The following PADI2 variants were observed in gnomAD, a reference collection of about 807,000 sequenced individuals.
PADI2 encodes the protein peptidyl arginine deiminase 2, also known as protein-arginine deiminase type-2.
Under a neutral mutation model 81.1 loss-of-function variants are expected in PADI2, and 70 were observed. The observed-to-expected ratio is 0.86, with a 90% confidence interval of 0.71 to 1.05. The LOEUF is 1.05. PADI2 is among the 50% of genes least tolerant of loss of function. The pLI is 0.00. For synonymous variants in PADI2, 338 were observed against 358.0 expected, an observed-to-expected ratio of 0.94 and a Z score of 0.63; for missense variants, 853 against 889.9, an observed-to-expected ratio of 0.96 and a Z score of 0.53.
intron 13 of PADI2, among the ~76,000 whole-genome samples, chr1:17,074,534 T>G (rs1046308384): frequency 6.6e-6 from 1 of 152,212 alleles, no homozygotes; most frequent in African/African-American, 2.4e-5. Flanking sequence ...CAGACCCAGC[T>G]GCATGTCAGT....
At chr1:17,110,695 G>A (rs964747675) in intron 1 of PADI2, among the ~76,000 whole-genome samples, 4 of 152,174 alleles carry the variant, frequency 2.6e-5, no homozygotes, top group African/African-American at 9.7e-5. Context: ...CATCTACTGT[G>A]CATTTTGACA....
chr1:17,076,617 C>T (rs1254102682), intron 11 of PADI2, among the ~76,000 whole-genome samples: 1 of 151,816 alleles, frequency 6.6e-6, no homozygotes, highest in Non-Finnish European at 1.5e-5. Flanking sequence ...CAGAGTCTAA[C>T]TCTGTCACCA....
chr1:17,092,568 C>T (rs1250355829), intron 5 of PADI2, 35 bp from the exon 6 acceptor site: 1 of 1,537,862 alleles, frequency 6.5e-7, no homozygotes, highest in African/African-American at 1.4e-5. Flanking sequence ...AGAGATCTAT[C>T]TGTTGCTGGA....
At chr1:17,096,568 G>A (rs1027733949) in intron 3 of PADI2, among the ~76,000 whole-genome samples, 44 of 152,180 alleles carry the variant, frequency 2.9e-4, no homozygotes. Context: ...AACCCCTCTT[G>A]GTCTGAGGTC....
chr1:17,084,483 G>C (rs529476511), intron 8 of PADI2, 116 bp downstream of exon 8: 1 of 617,672 alleles, frequency 1.6e-6, no homozygotes, highest in Non-Finnish European at 2.9e-6. Flanking sequence ...GGCCAAGAGA[G>C]TTGCTCAAGG....
intron 9 of PADI2, 85 bp downstream of exon 9, chr1:17,083,641 G>A: frequency 1.3e-6 from 1 of 795,690 alleles, no homozygotes. Flanking sequence ...AGAGCTGCTG[G>A]GTGCCAGGCA....
chr1:17,076,931 G>A (rs2078307977), intron 11 of PADI2, among the ~76,000 whole-genome samples: 1 of 152,000 alleles, frequency 6.6e-6, no homozygotes, highest in Non-Finnish European at 1.5e-5. Flanking sequence ...ATTATCCTCC[G>A]AAGATAACCC....
intron 3 of PADI2, among the ~76,000 whole-genome samples, chr1:17,102,072 G>A (rs1030602223): frequency 2.5e-4 from 38 of 152,088 alleles, no homozygotes; most frequent in African/African-American, 8.9e-4. Flanking sequence ...TAAGCAGGCC[G>A]CATCATTATT....
chr1:17,078,611 C>T (rs1463294341), intron 11 of PADI2, among the ~76,000 whole-genome samples: 1 of 152,146 alleles, frequency 6.6e-6, no homozygotes, highest in East Asian at 1.9e-4. Flanking sequence ...TGGTCTCGAA[C>T]TTCTGGTCTC....
chr1:17,110,153 T>G (rs566082665), intron 1 of PADI2, among the ~76,000 whole-genome samples: 72 of 152,264 alleles, frequency 4.7e-4, no homozygotes, highest in African/African-American at 1.7e-3. Context: ...GAAGAACCCT[T>G]TAGAATCTCT....
chr1:17,084,577 C>G lies in PADI2; in HGVS notation c.938+22G>C, dbSNP rs1004647612. On this transcript the variant is annotated intron_variant, in intron 8 of 15. Transcript: ENST00000375486. ...TTGGCCACTCTGCCACGCTGCCTCT[C>G]CAGGCTGGGGTCACCCCTTACCAGC... 7.9e-6 allele frequency: 12 copies of G among 1,516,342 alleles called. No individual in the cohort carries two copies. The Admixed American group carries it at 2.3e-4, about 29-fold the overall frequency. The allele number at this position is 1,516,342 out of a possible 1,614,324, so 93.9% of individuals were successfully genotyped here. A position where few individuals can be genotyped will look rare whatever the true frequency, so the allele number is the denominator to read the frequency against.
rs1270943427 is a variant in PADI2 at position 17,068,723 on chromosome 1, T to G, written c.*321A>C. The G allele has an allele frequency of 3.1e-6, 1 of 325,016 alleles. No individual in the cohort carries two copies. Among genetic ancestry groups the G allele is most frequent in the Non-Finnish European group, 5.8e-6 (1 of 172,416 alleles). The allele number at this position is 325,016 out of a possible 1,614,324, so 20.1% of individuals were successfully genotyped here. A position where few individuals can be genotyped will look rare whatever the true frequency, so the allele number is the denominator to read the frequency against. On this transcript the variant is annotated 3_prime_UTR_variant, in exon 16 of 16. Transcript: ENST00000375486. ...CTTCTCCCCTCATTCAGTGTCAGAT[T>G]AGAGACTCAAAATTCTTTGGGGAGC... is the stretch of plus-strand genomic sequence containing the variant.
At chr1:17,111,673 G>C (rs928458116) in intron 1 of PADI2, among the ~76,000 whole-genome samples, 23 of 152,198 alleles carry the variant, frequency 1.5e-4, no homozygotes, top group Non-Finnish European at 3.1e-4. Context: ...AGGTAAATGG[G>C]CCCAGCCCCT....
At chr1:17,086,076 T>G (rs996607823) in intron 7 of PADI2, among the ~76,000 whole-genome samples, 2 of 152,146 alleles carry the variant, frequency 1.3e-5, no homozygotes, top group Non-Finnish European at 2.9e-5. Flanking sequence ...GATTTGGGGT[T>G]CAGCCTGCAG....
At chr1:17,104,573 T>TA (rs1435028770) in intron 2 of PADI2, among the ~76,000 whole-genome samples, 4 of 150,650 alleles carry the variant, frequency 2.7e-5, no homozygotes, top group Non-Finnish European at 5.9e-5. Context: ...TAGCTGGGTC[T>TA]ACAGGCACCC....
intron 1 of PADI2, among the ~76,000 whole-genome samples, chr1:17,118,587 C>T (rs12750541): frequency 0.55 from 83,914 of 151,958 alleles, 24,873 homozygotes; most frequent in East Asian, 0.87. Flanking sequence ...AACTCTGAAT[C>T]AGGATCCTTT....
intron 7 of PADI2, 43 bp from the exon 8 acceptor site, chr1:17,084,745 C>T (rs2078373026): frequency 7.8e-7 from 1 of 1,276,792 alleles, no homozygotes; most frequent in African/African-American, 1.5e-5. Context: ...AAGGTTTTGT[C>T]AGGTGCTTTC....
intron 1 of PADI2, among the ~76,000 whole-genome samples, chr1:17,108,224 C>T (rs1426322707): frequency 6.6e-6 from 1 of 152,152 alleles, no homozygotes; most frequent in Non-Finnish European, 1.5e-5. Flanking sequence ...GTTGGGATTA[C>T]AGGCGTGAGC....
intron 4 of PADI2, 96 bp from the exon 5 acceptor site, chr1:17,093,780 G>T: frequency 1.4e-6 from 1 of 720,578 alleles, no homozygotes. Flanking sequence ...AGGGTAAAGA[G>T]TAGCCGCCAC....
Sources: gnomAD v4.1 joint callset for allele counts (sites outside exome capture counted in the v4.1 genomes callset) on GRCh38, gnomAD v4.1.1 for gene constraint, MANE v1.5 for transcripts, NCBI Gene and HGNC (gene_info 2026-07-23, HGNC 2026-07-21) for gene names.